The following AFAP1 variants were observed in gnomAD, a reference collection of about 807,000 sequenced individuals.
AFAP1 encodes actin filament-associated protein 1.
In AFAP1, 75 loss-of-function variants were observed where a neutral mutation model predicts 93.9. The observed-to-expected ratio is 0.80, with a 90% CI of 0.66 to 0.97. The LOEUF (loss-of-function observed/expected upper bound fraction) is 0.97, where lower values mean the gene tolerates loss of function less well. AFAP1 is among the 50% of genes least tolerant of loss of function. The pLI, the probability that AFAP1 is intolerant of heterozygous loss-of-function variation, is 0.00. For synonymous variants in AFAP1, 517 were observed against 430.7 expected (o/e 1.20, Z -2.48); for missense variants, 1,201 against 1,050.8 (o/e 1.14, Z -1.98).
At chr4:7,775,966 C>T (rs1226974055) in intron 14 of AFAP1, 1 of 152,186 alleles carries the variant, frequency 6.6e-6, no homozygotes, top group Non-Finnish European at 1.5e-5. Flanking sequence ...CTTTCAAAAC[C>T]TGACCCCATG....
intron 11 of AFAP1, among the ~76,000 whole-genome samples, chr4:7,787,175 A>C (rs1480084192): frequency 2.0e-5 from 3 of 152,238 alleles, no homozygotes; most frequent in African/African-American, 7.2e-5. Flanking sequence ...GGAACTTTCC[A>C]TAAAAACCCA....
At chr4:7,768,762 G>T in intron 17 of AFAP1, 82 bp downstream of exon 17, 1 of 1,421,386 alleles carries the variant, frequency 7.0e-7, no homozygotes, top group Admixed American at 2.6e-5. Flanking sequence ...AGAAGAATGG[G>T]CTCCCTACTC....
chr4:7,788,455 G>A (rs947327330), intron 11 of AFAP1, among the ~76,000 whole-genome samples: 2 of 152,370 alleles, frequency 1.3e-5, no homozygotes, highest in Admixed American at 6.5e-5. Flanking sequence ...GGGGAGGGAC[G>A]CCATGCACGG....
At chr4:7,804,583 T>C (rs967499219) in intron 9 of AFAP1, among the ~76,000 whole-genome samples, 1 of 152,214 alleles carries the variant, frequency 6.6e-6, no homozygotes, top group Middle Eastern at 3.4e-3. Flanking sequence ...GGTCCGGATA[T>C]GGGGCGTCGC....
intron 8 of AFAP1, among the ~76,000 whole-genome samples, chr4:7,814,227 AAAG>A (rs775956960): frequency 7.2e-5 from 11 of 152,388 alleles, no homozygotes; most frequent in Non-Finnish European, 1.3e-4. Context: ...ACATTTCACC[AAAG>A]AAGATATACT....
rs1049514743 is a variant in AFAP1 at position 7,939,050 on chromosome 4, G to A, written c.-3+606C>T. ...CCCCATTACACTCGCGTCCCAGGCG[G>A]GGTCGACCCAGACGAGCCACGGGGC... On this transcript the variant is annotated intron_variant, in intron 1 of 17. Transcript: ENST00000420658. The surrounding 1 kb of genome is among the most constrained non-coding windows in gnomAD (Gnocchi z 5.6). 1 of 155,492 alleles carries A rather than the reference G, an allele frequency of 6.4e-6. No homozygotes were observed. The highest frequency in any genetic ancestry group is 1.4e-5 in the Non-Finnish European group (1 of 69,388). 9.6% of individuals were successfully genotyped at this position (155,492 alleles called of 1,614,324 possible).
intron 13 of AFAP1, among the ~76,000 whole-genome samples, chr4:7,780,094 A>G (rs551150833): frequency 1.3e-5 from 2 of 152,338 alleles, no homozygotes; most frequent in South Asian, 2.1e-4. Context: ...ATAAAAAGAC[A>G]TGTAGAAACA....
intron 2 of AFAP1, 140 bp downstream of exon 2, chr4:7,871,812 C>T: frequency 8.2e-7 from 1 of 1,219,256 alleles, no homozygotes; most frequent in African/African-American, 1.5e-5. Flanking sequence ...AAGTGTAAAC[C>T]CTCAATGAAA....
At chr4:7,877,846 T>A (rs1322558732) in intron 1 of AFAP1, among the ~76,000 whole-genome samples, 1 of 152,172 alleles carries the variant, frequency 6.6e-6, no homozygotes, top group African/African-American at 2.4e-5. Context: ...CAACATAGAC[T>A]ACAGAGTAAC....
intron 3 of AFAP1, among the ~76,000 whole-genome samples, chr4:7,866,849 G>C (rs1033478169): frequency 2.7e-5 from 4 of 150,438 alleles, no homozygotes; most frequent in African/African-American, 4.9e-5. Flanking sequence ...CAGCAACACA[G>C]TGAGACCCTT....
chr4:7,894,650 T>A (rs1577341152), intron 1 of AFAP1, among the ~76,000 whole-genome samples: 2 of 152,172 alleles, frequency 1.3e-5, no homozygotes, highest in African/African-American at 2.4e-5. Context: ...CATAACTGTG[T>A]TGGCTCCTTC....
At chr4:7,770,303 T>C (rs1489831743) in intron 16 of AFAP1, among the ~76,000 whole-genome samples, 2 of 152,066 alleles carry the variant, frequency 1.3e-5, no homozygotes, top group Non-Finnish European at 2.9e-5. Context: ...TGGAAGAATG[T>C]GGAGCCACCA....
At chr4:7,774,500 G>A in intron 15 of AFAP1, 2 of 524,780 alleles carry the variant, frequency 3.8e-6, no homozygotes, top group Non-Finnish European at 3.2e-6. Flanking sequence ...CTGCCTCGGT[G>A]AGCAGCGTGT....
In AFAP1 at chr4:7,759,191, G is replaced by C. The variant is rs530673112; in HGVS notation, c.*4574C>G. 7 of 152,740 alleles carry C rather than the reference G, an allele frequency of 4.6e-5. No individual in the cohort carries two copies. The highest frequency in any genetic ancestry group is 1.7e-4 in the African/African-American group (7 of 41,570). 9.5% of individuals were successfully genotyped at this position (152,740 alleles called of 1,614,324 possible). A position where few individuals can be genotyped will look rare whatever the true frequency, so the allele number is the denominator to read the frequency against. On this transcript the variant is annotated 3_prime_UTR_variant, in exon 18 of 18. Transcript: ENST00000420658. ...TCCTTTCTTGTTAGAAAATCAAAAA[G>C]ATTATCTCATTAAAAACACCTTTGG...
At chr4:7,800,780 T>C in intron 9 of AFAP1, 127 bp from the exon 10 acceptor site, 1 of 918,980 alleles carries the variant, frequency 1.1e-6, no homozygotes, top group Non-Finnish European at 1.7e-6. Context: ...ACACGATCGA[T>C]CAAGCTTTAA....
chr4:7,852,170 T>C (rs1441876435), intron 4 of AFAP1, among the ~76,000 whole-genome samples: 1 of 152,154 alleles, frequency 6.6e-6, no homozygotes, highest in Non-Finnish European at 1.5e-5. Flanking sequence ...TGTTCTGACT[T>C]GGTGGTACTG....
chr4:7,934,334 G>A (rs949957183), intron 1 of AFAP1, among the ~76,000 whole-genome samples: 2 of 152,174 alleles, frequency 1.3e-5, no homozygotes, highest in African/African-American at 4.8e-5. Flanking sequence ...TGTCCAGGTC[G>A]GTTTTTCCCA....
intron 4 of AFAP1, among the ~76,000 whole-genome samples, chr4:7,853,174 A>G (rs1463769076): frequency 1.3e-5 from 2 of 151,686 alleles, no homozygotes; most frequent in African/African-American, 4.9e-5. Flanking sequence ...ATTCTGGGCT[A>G]GGGTGGCCCT....
intron 9 of AFAP1, among the ~76,000 whole-genome samples, chr4:7,803,410 G>C (rs922769274): frequency 3.9e-5 from 6 of 152,242 alleles, no homozygotes; most frequent in African/African-American, 1.2e-4. Flanking sequence ...ACACAGTGCA[G>C]CAGGGCAGCA....
Sources: allele counts gnomAD v4.1 joint callset (sites outside exome capture counted in the v4.1 genomes callset), GRCh38; gene constraint gnomAD v4.1.1; non-coding constraint Gnocchi (gnomAD v3.1); transcripts MANE v1.5; gene names NCBI Gene and HGNC (gene_info 2026-07-23, HGNC 2026-07-21).